NLGN1: variants seen among roughly 807,000 people sequenced by gnomAD.
NLGN1 encodes neuroligin-1.
NLGN1 carries 12 observed loss-of-function variants against 65.5 expected under a neutral mutation model. That is an observed-to-expected ratio of 0.18 (90% CI 0.12 to 0.30). The LOEUF (loss-of-function observed/expected upper bound fraction) is 0.30, where lower values mean the gene tolerates loss of function less well. NLGN1 is among the 10% of genes least tolerant of loss of function. NLGN1 has a pLI of 1.00. For missense variants in NLGN1, 750 were observed against 1,007.1 expected, an observed-to-expected ratio of 0.74 and a Z score of 3.46; for synonymous variants, 350 against 359.5, an observed-to-expected ratio of 0.97 and a Z score of 0.30.
intron 4 of NLGN1, among the ~76,000 whole-genome samples, chr3:173,835,695 T>C (rs1723511238): frequency 1.3e-5 from 2 of 151,728 alleles, no homozygotes; most frequent in Non-Finnish European, 2.9e-5. Flanking sequence ...ACTCAAAGTT[T>C]TAAATATTGA....
At chr3:173,572,123 C>T (rs1393705394) in intron 2 of NLGN1, among the ~76,000 whole-genome samples, 1 of 152,182 alleles carries the variant, frequency 6.6e-6, no homozygotes, top group Non-Finnish European at 1.5e-5. Flanking sequence ...ACTTTGTTAC[C>T]ATTCTACAGA....
intron 4 of NLGN1, among the ~76,000 whole-genome samples, chr3:173,989,550 A>C (rs543015944): frequency 8.5e-5 from 13 of 152,310 alleles, no homozygotes; most frequent in African/African-American, 3.1e-4. Context: ...CCAATCTAGG[A>C]GTCTCCTGTA....
intron 4 of NLGN1, among the ~76,000 whole-genome samples, chr3:173,939,007 A>G (rs1413260597): frequency 6.6e-6 from 1 of 152,192 alleles, no homozygotes; most frequent in African/African-American, 2.4e-5. Context: ...TATTTTAAAA[A>G]ATTGAAAAAA....
rs191565280 is a variant in NLGN1 at position 173,546,613 on chromosome 3, C to T, written c.-320-57666C>T. On this transcript the variant is annotated intron_variant, in intron 2 of 6. Coordinates refer to ENST00000457714, the Ensembl canonical transcript of NLGN1. ...CTAGATCTGAGGTTTCTGAATTTTTCCAGGCTATAGTTCTAATATTCCGCT... is the reference window on the plus strand; with the variant it reads ...CTAGATCTGAGGTTTCTGAATTTTTTCAGGCTATAGTTCTAATATTCCGCT... Among the ~76,000 whole-genome samples, 149 of 152,260 alleles carry T rather than the reference C, an allele frequency of 9.8e-4. 1 individual carries two copies. Among genetic ancestry groups the T allele is most frequent in the Middle Eastern group, 6.8e-3 (2 of 294 alleles).
chr3:173,689,510 G>A (rs1263037989), intron 3 of NLGN1, among the ~76,000 whole-genome samples: 1 of 152,074 alleles, frequency 6.6e-6, no homozygotes, highest in Non-Finnish European at 1.5e-5. Flanking sequence ...ATCAGAAAGA[G>A]AAAATGGCAT....
At chr3:174,111,858 C>T (rs985403415) in intron 4 of NLGN1, among the ~76,000 whole-genome samples, 6 of 151,798 alleles carry the variant, frequency 4.0e-5, no homozygotes, top group Non-Finnish European at 7.4e-5. Flanking sequence ...GAAAGTATGC[C>T]ATGAAGCAAG....
At chr3:173,934,964 G>A (rs899210602) in intron 4 of NLGN1, among the ~76,000 whole-genome samples, 1 of 151,966 alleles carries the variant, frequency 6.6e-6, no homozygotes. Context: ...ACCTTGTGAG[G>A]TAGGTATTAT....
intron 2 of NLGN1, among the ~76,000 whole-genome samples, chr3:173,489,865 T>G (rs1728813151): frequency 6.6e-6 from 1 of 152,188 alleles, no homozygotes; most frequent in African/African-American, 2.4e-5. Flanking sequence ...ATGTGTCTTT[T>G]GGCTGCATAA....
At chr3:173,492,107 C>T (rs757621692) in intron 2 of NLGN1, among the ~76,000 whole-genome samples, 14 of 151,800 alleles carry the variant, frequency 9.2e-5, no homozygotes, top group Non-Finnish European at 1.8e-4. Flanking sequence ...TGTATAATTT[C>T]TCCAAGCCTC....
At position 174,279,615 on chromosome 3, in the gene NLGN1, T is replaced by G. The variant is rs1040688514; in HGVS notation, c.1614T>G (p.Val538=). ...AAAATGATGTGATGCTGAGTGCAGT[T>G]GTAATGACATACTGGACAAATTTTG... Residue 538 remains valine, a synonymous_variant, in exon 6 of 7, where the codon GTT becomes GTG. Transcript: ENST00000457714. The surrounding 1 kb of genome is among the most constrained non-coding windows in gnomAD (Gnocchi z 4.7). The G allele has an allele frequency of 4.3e-6, 7 of 1,611,734 alleles. No individual in the cohort carries two copies. The African/African-American group carries it at 9.4e-5, about 22-fold the overall frequency.
chr3:173,856,985 G>A (rs1728108306), intron 4 of NLGN1, among the ~76,000 whole-genome samples: 1 of 150,232 alleles, frequency 6.7e-6, no homozygotes, highest in Admixed American at 6.7e-5. Flanking sequence ...GAAGAAGCTG[G>A]AAAGGCACCT....
intron 4 of NLGN1, among the ~76,000 whole-genome samples, chr3:173,860,882 C>A (rs902837392): frequency 6.6e-6 from 1 of 152,130 alleles, no homozygotes; most frequent in Non-Finnish European, 1.5e-5. Context: ...AGTATGCACA[C>A]CTCAGTCAGA....
Position 174,226,687 on chromosome 3 carries a change from A to G in NLGN1, c.647-48628A>G, listed in dbSNP as rs377167749. On this transcript the variant is annotated intron_variant, in intron 4 of 6. Transcript: ENST00000457714. ...TTTTACAACATAAGAACCAGGTGCTATATGTCTGTTAACTTAATTAAAAAG... is the reference window on the plus strand; with the variant it reads ...TTTTACAACATAAGAACCAGGTGCTGTATGTCTGTTAACTTAATTAAAAAG... Among the ~76,000 whole-genome samples the G allele has an allele frequency of 4.6e-5, 7 of 152,114 alleles. No homozygotes were observed. In the South Asian group the frequency reaches 1.0e-3, roughly 22 times the overall value.
intron 4 of NLGN1, among the ~76,000 whole-genome samples, chr3:173,977,155 A>G (rs1002778055): frequency 6.6e-6 from 1 of 151,714 alleles, no homozygotes; most frequent in South Asian, 2.1e-4. Flanking sequence ...AACTGTGACA[A>G]ATGCTGCAAT....
chr3:174,210,361 A>T (rs1424526672), intron 4 of NLGN1, among the ~76,000 whole-genome samples: 1 of 152,180 alleles, frequency 6.6e-6, no homozygotes, highest in Non-Finnish European at 1.5e-5. Flanking sequence ...TAGTTCCAGC[A>T]CCTTCAGGTA....
chr3:173,675,860 C>A (rs1703146224), intron 3 of NLGN1, among the ~76,000 whole-genome samples: 1 of 132,946 alleles, frequency 7.5e-6, no homozygotes, highest in African/African-American at 3.1e-5. Flanking sequence ...CTCTTTCTCT[C>A]TCTCTTTGTC....
intron 4 of NLGN1, among the ~76,000 whole-genome samples, chr3:174,086,276 T>G (rs1743313336): frequency 6.7e-6 from 1 of 148,884 alleles, no homozygotes; most frequent in Non-Finnish European, 1.5e-5. Context: ...TATTTATGTA[T>G]GTGCATAAAT....
intron 4 of NLGN1, among the ~76,000 whole-genome samples, chr3:173,820,179 GAAAA>G (rs63081662): frequency 2.2e-5 from 3 of 136,662 alleles, no homozygotes; most frequent in African/African-American, 7.9e-5. Context: ...ATTCAGTCTC[GAAAA>G]AAAAAAAAAA....
chr3:174,086,974 A>T (rs928943148), intron 4 of NLGN1, among the ~76,000 whole-genome samples: 1 of 152,138 alleles, frequency 6.6e-6, no homozygotes, highest in Non-Finnish European at 1.5e-5. Context: ...TTACATAGAC[A>T]AAACGTGGAG....
Sources: gnomAD v4.1 joint callset for allele counts (sites outside exome capture counted in the v4.1 genomes callset) on GRCh38, gnomAD v4.1.1 for gene constraint, Gnocchi (gnomAD v3.1) non-coding constraint, MANE v1.5 for transcripts, NCBI Gene and HGNC (gene_info 2026-07-23, HGNC 2026-07-21) for gene names.